The following ST18 variants were observed in gnomAD, a reference collection of about 807,000 sequenced individuals.
ST18 encodes the protein suppression of tumorigenicity 18 protein.
Under a neutral mutation model 110.0 loss-of-function variants are expected in ST18, and 50 were observed. The ratio of observed to expected loss-of-function variants is 0.45; its 90% CI spans 0.36 to 0.58. The LOEUF is 0.58. ST18 is among the 20% of genes least tolerant of loss of function. The probability of loss-of-function intolerance (pLI) is 0.00; values close to 1 mark genes in which losing one functional copy is unlikely to be tolerated. For synonymous variants in ST18, 461 were observed against 452.4 expected, an observed-to-expected ratio of 1.02 and a Z score of -0.24; for missense variants, 1,306 against 1,280.1, an observed-to-expected ratio of 1.02 and a Z score of -0.31.
chr8:52,145,774 A>G (rs2057034396), intron 16 of ST18, among the ~76,000 whole-genome samples: 1 of 152,232 alleles, frequency 6.6e-6, no homozygotes, highest in Admixed American at 6.5e-5. Context: ...ACCAGGACAT[A>G]ATGGTAACAT....
At chr8:52,272,994 G>C (rs7465596) in intron 2 of ST18, among the ~76,000 whole-genome samples, 5,944 of 152,214 alleles carry the variant, frequency 0.039, 412 homozygotes, top group African/African-American at 0.14. Context: ...ATACAACACT[G>C]TACCTAGAGT....
rs562297665 is a variant in ST18 at position 52,216,637 on chromosome 8, C to T, written c.-1+1109G>A. On this transcript the variant is annotated intron_variant, in intron 6 of 25. Transcript: ENST00000689386. ...AGAAACTGAAGGCATATGTGTTTTTCGGTGTGGAGAGTTTATCGCTCGTGA... is the reference window on the plus strand; with the variant it reads ...AGAAACTGAAGGCATATGTGTTTTTTGGTGTGGAGAGTTTATCGCTCGTGA... 3.3e-5 allele frequency among the ~76,000 whole-genome samples: 5 copies of T among 152,220 alleles called. No homozygotes were observed. The East Asian group carries it at 5.8e-4, about 18-fold the overall frequency.
intron 2 of ST18, among the ~76,000 whole-genome samples, chr8:52,269,436 T>G (rs2138856769): frequency 6.6e-6 from 1 of 152,316 alleles, no homozygotes; most frequent in Non-Finnish European, 1.5e-5. Context: ...TAGAACTACA[T>G]GAAGGCAAAA....
Position 52,204,521 on chromosome 8 carries a change from A to T in ST18, c.86+7558T>A, listed in dbSNP as rs1164743850. Among the ~76,000 whole-genome samples the T allele has an allele frequency of 2.0e-5, 3 of 152,208 alleles. No homozygotes were observed. The East Asian group carries it at 5.8e-4, about 29-fold the overall frequency. On this transcript the variant is annotated intron_variant, in intron 8 of 25. Coordinates refer to ENST00000689386, the MANE Select transcript of ST18 (RefSeq NM_001352837.2). Reference sequence around the variant, plus strand: ...ACCTCTGAGTCCCAAGCTGGACGTGATCTATTCTCACCCACAACAATGCTG... The same window carrying T: ...ACCTCTGAGTCCCAAGCTGGACGTGTTCTATTCTCACCCACAACAATGCTG...
intron 2 of ST18, among the ~76,000 whole-genome samples, chr8:52,332,936 C>T (rs1331459325): frequency 2.0e-5 from 3 of 152,142 alleles, no homozygotes; most frequent in Non-Finnish European, 4.4e-5. Context: ...TTCAACAACC[C>T]TGGAGGACCT....
chr8:52,381,451 C>A (rs1475686904), intron 2 of ST18, among the ~76,000 whole-genome samples: 7 of 152,160 alleles, frequency 4.6e-5, no homozygotes, highest in Admixed American at 4.6e-4. Flanking sequence ...TTAATTTTTA[C>A]CATCCATCTC....
chr8:52,249,667 A>G (rs1188354159), intron 2 of ST18, among the ~76,000 whole-genome samples: 1 of 152,108 alleles, frequency 6.6e-6, no homozygotes, highest in Non-Finnish European at 1.5e-5. Context: ...TTTGCAGTAA[A>G]TCACTAAAAA....
At chr8:52,214,686 A>G (rs556657374) in intron 6 of ST18, among the ~76,000 whole-genome samples, 1 of 152,270 alleles carries the variant, frequency 6.6e-6, no homozygotes, top group South Asian at 2.1e-4. Flanking sequence ...CTAAGCTTGG[A>G]AAAAAATGAT....
chr8:52,159,683 G>C (rs941914290), intron 14 of ST18, among the ~76,000 whole-genome samples: 4 of 152,164 alleles, frequency 2.6e-5, no homozygotes, highest in African/African-American at 9.6e-5. Context: ...ATAGATGGTG[G>C]AGTCTTTAAT....
chr8:52,316,261 A>G (rs2096023326), intron 2 of ST18, among the ~76,000 whole-genome samples: 2 of 152,204 alleles, frequency 1.3e-5, no homozygotes, highest in South Asian at 4.1e-4. Flanking sequence ...ATATTTCTTG[A>G]GAGCAAATAT....
chr8:52,252,227 T>C (rs982416481), intron 2 of ST18, among the ~76,000 whole-genome samples: 1 of 152,028 alleles, frequency 6.6e-6, no homozygotes, highest in African/African-American at 2.4e-5. Context: ...AGGAGTAAGG[T>C]TGTTACTTAC....
chr8:52,218,627 T>C (rs1257553808), intron 5 of ST18, among the ~76,000 whole-genome samples: 1 of 150,226 alleles, frequency 6.7e-6, no homozygotes, highest in Non-Finnish European at 1.5e-5. Flanking sequence ...CTTGAACTCC[T>C]GACCTCAGGT....
chr8:52,189,337 C>T (rs534552311), intron 8 of ST18, among the ~76,000 whole-genome samples: 20 of 152,232 alleles, frequency 1.3e-4, no homozygotes, highest in Admixed American at 1.2e-3. Context: ...AAGCCAACTC[C>T]CATGCTGGAT....
At chr8:52,173,257 C>T (rs2065647853) in intron 9 of ST18, among the ~76,000 whole-genome samples, 1 of 152,206 alleles carries the variant, frequency 6.6e-6, no homozygotes, top group Middle Eastern at 3.2e-3. Flanking sequence ...CAAATCATAT[C>T]TTGAATAGTA....
rs549504126 is a variant in ST18, at chr8:52,307,421, C to T, written c.-464-77344G>A. Among the ~76,000 whole-genome samples, 5 of 152,218 alleles carry T rather than the reference C, an allele frequency of 3.3e-5. No individual in the cohort carries two copies. The East Asian group carries it at 9.7e-4, about 29-fold the overall frequency. Reference sequence around the variant, plus strand: ...GTATTCTGTCAAAGTCCACGTTAAACAATAATCTTTAGTTACTAGGGAACT... The same window carrying T: ...GTATTCTGTCAAAGTCCACGTTAAATAATAATCTTTAGTTACTAGGGAACT... On this transcript the variant is annotated intron_variant, in intron 2 of 25. Coordinates refer to ENST00000689386, the MANE Select transcript of ST18 (RefSeq NM_001352837.2).
chr8:52,255,144 T>C (rs1351237217), intron 2 of ST18, among the ~76,000 whole-genome samples: 2 of 152,146 alleles, frequency 1.3e-5, no homozygotes, highest in African/African-American at 2.4e-5. Flanking sequence ...AGCTTTATGC[T>C]GCACTAGATT....
intron 2 of ST18, among the ~76,000 whole-genome samples, chr8:52,250,445 CAAAAAAAAAAAAA>C (rs1159770176): frequency 2.3e-3 from 10 of 4,280 alleles, no homozygotes; most frequent in Non-Finnish European, 3.4e-3. Context: ...GCCTCAAAGG[CAAAAAAAAAAAAA>C]AAAAAAAAAA....
intron 2 of ST18, among the ~76,000 whole-genome samples, chr8:52,231,430 A>G (rs999136755): frequency 1.3e-5 from 2 of 151,838 alleles, no homozygotes; most frequent in Non-Finnish European, 1.5e-5. Context: ...CTAAATCTTA[A>G]TATGTTGTAA....
intron 2 of ST18, among the ~76,000 whole-genome samples, chr8:52,299,104 C>G (rs569149685): frequency 1.2e-4 from 18 of 152,232 alleles, no homozygotes; most frequent in Admixed American, 1.1e-3. Context: ...GCCTCATGCT[C>G]ACTCATCTAT....
Sources: allele counts gnomAD v4.1 joint callset (sites outside exome capture counted in the v4.1 genomes callset), GRCh38; gene constraint gnomAD v4.1.1; transcripts MANE v1.5; gene names NCBI Gene and HGNC (gene_info 2026-07-23, HGNC 2026-07-21).